Variants in USP6NL observed in about 807,000 individuals in gnomAD.
USP6NL encodes USP6 N-terminal like.
Under a neutral mutation model 61.9 loss-of-function variants are expected in USP6NL, and 26 were observed. That is an observed-to-expected ratio of 0.42 (90% CI 0.31 to 0.58). The LOEUF is 0.58. Among genes scored for constraint, USP6NL ranks in the 20% least tolerant of loss-of-function variants. The probability of loss-of-function intolerance (pLI) is 0.16; values close to 1 mark genes in which losing one functional copy is unlikely to be tolerated. For synonymous variants in USP6NL, 432 were observed against 390.1 expected, an observed-to-expected ratio of 1.11 and a Z score of -1.27; for missense variants, 1,114 against 1,034.3, an observed-to-expected ratio of 1.08 and a Z score of -1.06.
chr10:11,503,222 T>C (rs889569106), intron 6 of USP6NL, among the ~76,000 whole-genome samples: 1 of 152,208 alleles, frequency 6.6e-6, no homozygotes, highest in Non-Finnish European at 1.5e-5. Flanking sequence ...ACGTGTAATA[T>C]GACTGACTTC....
Position 11,611,381 on chromosome 10 carries a change from G to C in USP6NL, c.-84+62C>G, listed in dbSNP as rs1838891715. ...CCAACTCCGAGTCCCGGCCCGGGGA[G>C]GACGCCCGCGGAGCCCGCCGCCGCC... On this transcript the variant is annotated intron_variant, in intron 1 of 14. Coordinates refer to ENST00000609104, the MANE Select transcript of USP6NL (RefSeq NM_014688.5). This position sits in a 1 kb window ranked among gnomAD's most constrained non-coding sequence, Gnocchi z 5.3. 1 of 152,396 alleles carries C rather than the reference G, an allele frequency of 6.6e-6. No homozygotes were observed. The highest frequency in any genetic ancestry group is 6.5e-5 in the Admixed American group (1 of 15,280). The allele number at this position is 152,396 out of a possible 1,614,324, so 9.4% of individuals were successfully genotyped here.
At position 11,463,830 on chromosome 10, in the gene USP6NL, T is replaced by C; in HGVS notation, c.1098A>G (p.Pro366=). The change falls in exon 15 of 15, where the codon CCA becomes CCG. Residue 366 remains proline, a synonymous_variant. Coordinates refer to ENST00000609104, the MANE Select transcript of USP6NL (RefSeq NM_014688.5). This position sits in a 1 kb window ranked among gnomAD's most constrained non-coding sequence, Gnocchi z 6.3. ...LPEPGKEDEY[P]KKPLGQLPPE... is the part of the protein sequence containing the mutation. ...GTGGAAGCTGCCCCAAGGGCTTCTTTGGATATTCATCCTCTTTACCTGAAA... is the reference window on the plus strand; with the variant it reads ...GTGGAAGCTGCCCCAAGGGCTTCTTCGGATATTCATCCTCTTTACCTGAAA... 1 of 1,465,390 alleles carries C rather than the reference T, an allele frequency of 6.8e-7. No individual in the cohort carries two copies. Among genetic ancestry groups the C allele is most frequent in the East Asian group, 2.5e-5 (1 of 40,526 alleles). The allele number at this position is 1,465,390 out of a possible 1,614,324, so 90.8% of individuals were successfully genotyped here.
intron 2 of USP6NL, among the ~76,000 whole-genome samples, chr10:11,579,991 A>G (rs1837692733): frequency 6.6e-6 from 1 of 150,722 alleles, no homozygotes; most frequent in South Asian, 2.1e-4. Flanking sequence ...GTCTAAAGAC[A>G]CTTTTGATAG....
Position 11,557,133 on chromosome 10 carries a change from C to T in USP6NL, c.5-29566G>A, listed in dbSNP as rs547582829. On this transcript the variant is annotated intron_variant, in intron 2 of 14. Coordinates refer to ENST00000609104, the MANE Select transcript of USP6NL (RefSeq NM_014688.5). ...TTAATTATACATCAGATTAACTTTG[C>T]TGGATATTCTGTTTTCTAAACTTCT... is the stretch of plus-strand genomic sequence containing the variant. 2.0e-5 allele frequency among the ~76,000 whole-genome samples: 3 copies of T among 152,242 alleles called. No homozygotes were observed. The South Asian group carries it at 6.2e-4, about 32-fold the overall frequency.
intron 5 of USP6NL, among the ~76,000 whole-genome samples, chr10:11,514,170 A>T (rs1171855216): frequency 2.0e-5 from 3 of 151,448 alleles, no homozygotes; most frequent in African/African-American, 7.3e-5. Flanking sequence ...GACAGGGCGC[A>T]TATCATGTTC....
At position 11,463,086 on chromosome 10, in the gene USP6NL, T is replaced by A; in HGVS notation, c.1842A>T (p.Arg614=). The part of the protein sequence containing the change: ...TFKVQPPSHA[R]YPSQLDGEAR... ...CTTCCCCATCTAGCTGGGACGGATA[T>A]CGTGCATGACTTGGAGGCTGTACTT... Residue 614 remains arginine (R), a synonymous_variant, in exon 15 of 15, where the codon CGA becomes CGT. Coordinates refer to ENST00000609104, the MANE Select transcript of USP6NL (RefSeq NM_014688.5). This position sits in a 1 kb window ranked among gnomAD's most constrained non-coding sequence, Gnocchi z 6.3. The A allele has an allele frequency of 6.2e-7, 1 of 1,614,006 alleles. No homozygotes were observed. The highest frequency in any genetic ancestry group is 8.5e-7 in the Non-Finnish European group (1 of 1,179,898).
At position 11,585,559 on chromosome 10, in the gene USP6NL, G is replaced by A. The variant is rs1403836655; in HGVS notation, c.4+12072C>T. Among the ~76,000 whole-genome samples the A allele has an allele frequency of 6.6e-6, 1 of 152,186 alleles. No homozygotes were observed. Among genetic ancestry groups the A allele is most frequent in the South Asian group, 2.1e-4 (1 of 4,832 alleles). ...CACCTGTACTCCCAGCTACTCGGGAGGCTGAGGAACGGGAATGGCGCGAAC... is the reference window on the plus strand; with the variant it reads ...CACCTGTACTCCCAGCTACTCGGGAAGCTGAGGAACGGGAATGGCGCGAAC... On this transcript the variant is annotated intron_variant, in intron 2 of 14. Coordinates refer to ENST00000609104, the MANE Select transcript of USP6NL (RefSeq NM_014688.5). This position sits in a 1 kb window ranked among gnomAD's most constrained non-coding sequence, Gnocchi z 4.5.
At chr10:11,530,668 T>G (rs1337154506) in intron 2 of USP6NL, among the ~76,000 whole-genome samples, 1 of 152,224 alleles carries the variant, frequency 6.6e-6, no homozygotes, top group Non-Finnish European at 1.5e-5. Flanking sequence ...CAGAGTGAAT[T>G]TAAAGCTAAA....
At chr10:11,547,733 G>A (rs766367668) in intron 2 of USP6NL, among the ~76,000 whole-genome samples, 12 of 151,992 alleles carry the variant, frequency 7.9e-5, no homozygotes, top group Non-Finnish European at 1.5e-4. Flanking sequence ...GTAGAGACGG[G>A]GTGTCACCGT....
chr10:11,502,116 G>A (rs1002834139), intron 6 of USP6NL, among the ~76,000 whole-genome samples: 4 of 151,980 alleles, frequency 2.6e-5, no homozygotes, highest in Admixed American at 6.6e-5. Flanking sequence ...AAAATTAGCC[G>A]GGCATGGTGG....
chr10:11,513,781 C>T lies in USP6NL; in HGVS notation c.196-4106G>A, dbSNP rs550602751. 3.4e-4 allele frequency among the ~76,000 whole-genome samples: 52 copies of T among 152,312 alleles called. 1 individual carries two copies. The South Asian group carries it at 0.01, about 30-fold the overall frequency. On this transcript the variant is annotated intron_variant, in intron 5 of 14. Transcript: ENST00000609104. The surrounding 1 kb of genome is among the most constrained non-coding windows in gnomAD (Gnocchi z 4.7). ...GCCTATATACCAAATTCCCCACTTG[C>T]CCCAAGACTGTTCTTTATAGCTGGT...
chr10:11,602,583 T>G lies in USP6NL; in HGVS notation c.-83-4866A>C, dbSNP rs563158920. Reference sequence around the variant, plus strand: ...CAGTACCCTCCTTCCTTCATTGAGATTCACGGTTCATTAGTTCAAATATAT... The same window carrying G: ...CAGTACCCTCCTTCCTTCATTGAGAGTCACGGTTCATTAGTTCAAATATAT... On this transcript the variant is annotated intron_variant, in intron 1 of 14. Transcript: ENST00000609104. This position sits in a 1 kb window ranked among gnomAD's most constrained non-coding sequence, Gnocchi z 4.8. Among the ~76,000 whole-genome samples, 54 of 152,266 alleles carry G rather than the reference T, an allele frequency of 3.5e-4. 1 individual carries two copies. In the South Asian group the frequency reaches 0.011, roughly 30 times the overall value.
Position 11,463,000 on chromosome 10 carries a change from G to T in USP6NL, c.1928C>A (p.Pro643His). ...SNPPVYHGNS[P>H]KHFPTANSSF... The stretch of plus-strand genomic sequence containing the variant: ...GCTGTTGGCAGTAGGGAAGTGTTTG[G>T]GAGAGTTTCCGTGGTAAACGGGGGG... The change falls in exon 15 of 15, where the codon CCC becomes CAC. Residue 643 changes from proline to histidine, a missense_variant. Transcript: ENST00000609104. 2.5e-6 allele frequency: 4 copies of T among 1,613,972 alleles called. No homozygotes were observed. In the South Asian group the frequency reaches 3.3e-5, roughly 13 times the overall value.
chr10:11,545,308 T>A (rs1467061757), intron 2 of USP6NL, among the ~76,000 whole-genome samples: 2 of 152,128 alleles, frequency 1.3e-5, no homozygotes, highest in Non-Finnish European at 2.9e-5. Flanking sequence ...CTGGGGAGAA[T>A]GTCCTCTAGC....
rs759685953 is a variant in USP6NL, at chr10:11,463,640, G to C, written c.1288C>G (p.Pro430Ala). 6.2e-7 allele frequency: 1 copy of C among 1,613,948 alleles called. No individual in the cohort carries two copies. Among genetic ancestry groups the C allele is most frequent in the African/African-American group, 1.3e-5 (1 of 75,020 alleles). Residue 430 changes from proline to alanine, a missense_variant, in exon 15 of 15, where the codon CCG becomes GCG. Pro to Ala is a conservative substitution (Grantham distance 27). Transcript: ENST00000609104. This position sits in a 1 kb window ranked among gnomAD's most constrained non-coding sequence, Gnocchi z 6.3. ...TCCTCCACCGATTTCCGTCTTGGCG[G>C]CTGTGCTCTCTCGGGCGTCCCGGTC... ...SRTGTPERAQPPRRKSVEEES... is the reference protein window; with the variant it reads ...SRTGTPERAQAPRRKSVEEES...
In USP6NL at chr10:11,537,610, AT is replaced by A. The variant is rs1835883375; in HGVS notation, c.5-10044del. ...TCATGCTTCAAATTAATACTTTTTT[AT>A]TTTTTCATTAAATTTGCAGAATACA... On this transcript the variant is annotated intron_variant, in intron 2 of 14. Coordinates refer to ENST00000609104, the MANE Select transcript of USP6NL (RefSeq NM_014688.5). This position sits in a 1 kb window ranked among gnomAD's most constrained non-coding sequence, Gnocchi z 5.1. Among the ~76,000 whole-genome samples, 1 of 152,040 alleles carries A rather than the reference AT, an allele frequency of 6.6e-6. No individual in the cohort carries two copies. The highest frequency in any genetic ancestry group is 1.5e-5 in the Non-Finnish European group (1 of 67,992).
chr10:11,556,422 C>A (rs902892193), intron 2 of USP6NL, among the ~76,000 whole-genome samples: 3 of 152,006 alleles, frequency 2.0e-5, no homozygotes, highest in African/African-American at 7.2e-5. Flanking sequence ...CAGATTTAGA[C>A]CCAAACATGA....
Position 11,482,055 on chromosome 10 carries a change from T to C in USP6NL, c.926-133A>G, listed in dbSNP as rs941966876. The C allele has an allele frequency of 1.2e-5, 10 of 858,144 alleles. No homozygotes were observed. Among genetic ancestry groups the C allele is most frequent in the African/African-American group, 1.0e-4 (6 of 57,996 alleles). 53.2% of individuals were successfully genotyped at this position (858,144 alleles called of 1,614,324 possible). On this transcript the variant is annotated intron_variant, in intron 13 of 14. Coordinates refer to ENST00000609104, the MANE Select transcript of USP6NL (RefSeq NM_014688.5). This position sits in a 1 kb window ranked among gnomAD's most constrained non-coding sequence, Gnocchi z 4.0. ...AGCAGCATACAACTTACATATGGCA[T>C]TGAGGACATCATTAAAACTCAGTAA...
intron 2 of USP6NL, among the ~76,000 whole-genome samples, chr10:11,529,348 C>G (rs918280834): frequency 6.6e-6 from 1 of 152,130 alleles, no homozygotes; most frequent in African/African-American, 2.4e-5. Context: ...TAAAATCTTT[C>G]TGGAAAGTAA....
Sources: allele counts gnomAD v4.1 joint callset (sites outside exome capture counted in the v4.1 genomes callset), GRCh38; gene constraint gnomAD v4.1.1; non-coding constraint Gnocchi (gnomAD v3.1); transcripts MANE v1.5; gene names NCBI Gene and HGNC (gene_info 2026-07-23, HGNC 2026-07-21).